LRRK2: variants seen among roughly 807,000 people sequenced by gnomAD.
LRRK2 encodes the protein leucine rich repeat kinase 2, also known as leucine-rich repeat serine/threonine-protein kinase 2.
LRRK2 carries 203 observed loss-of-function variants against 302.6 expected under a neutral mutation model. That is an observed-to-expected ratio of 0.67 (90% CI 0.60 to 0.75). The LOEUF (loss-of-function observed/expected upper bound fraction) is 0.75. Ranked by LOEUF, LRRK2 falls within the 30% of genes least tolerant of loss-of-function variation. The probability of loss-of-function intolerance (pLI) is 0.00; values close to 1 mark genes in which losing one functional copy is unlikely to be tolerated. For synonymous variants in LRRK2, 1,066 were observed against 1,031.9 expected (o/e 1.03, Z -0.63); for missense variants, 2,830 against 2,951.0 (o/e 0.96, Z 0.95).
intron 18 of LRRK2, among the ~76,000 whole-genome samples, chr12:40,283,445 C>T (rs1286389284): frequency 6.6e-6 from 1 of 152,160 alleles, no homozygotes; most frequent in African/African-American, 2.4e-5. Context: ...AGCTATGTCC[C>T]CATTTAGTTA....
intron 40 of LRRK2, among the ~76,000 whole-genome samples, chr12:40,337,593 T>A (rs979333897): frequency 6.6e-6 from 1 of 152,176 alleles, no homozygotes; most frequent in African/African-American, 2.4e-5. Context: ...TGACTCTATT[T>A]TACATTATCT....
rs200107211 is a variant in LRRK2, at chr12:40,322,081, C to T, written c.5217C>T (p.Tyr1739=). Residue 1739 remains tyrosine, a synonymous_variant, in exon 36 of 51, where the codon TAC becomes TAT. Transcript: ENST00000298910. The part of the protein sequence containing the change: ...PNRMYWRQGI[Y]LNWSPEAYCL... Reference sequence around the variant, plus strand: ...GAATGTATTGGCGACAAGGCATTTACTTAAATTGGTCTCCTGAAGCTTATT... The same window carrying T: ...GAATGTATTGGCGACAAGGCATTTATTTAAATTGGTCTCCTGAAGCTTATT... The T allele has an allele frequency of 2.5e-4, 403 of 1,613,316 alleles. 1 individual carries two copies. The highest frequency in any genetic ancestry group is 3.3e-4 in the Non-Finnish European group (391 of 1,179,528).
At chr12:40,228,520 T>C (rs2136379396) in intron 2 of LRRK2, among the ~76,000 whole-genome samples, 1 of 151,828 alleles carries the variant, frequency 6.6e-6, no homozygotes, top group South Asian at 2.1e-4. Flanking sequence ...ATGGATATTT[T>C]GCAAATATTT....
At chr12:40,235,788 T>G in intron 4 of LRRK2, 74 bp downstream of exon 4, 1 of 649,106 alleles carries the variant, frequency 1.5e-6, no homozygotes, top group Middle Eastern at 3.5e-4. Flanking sequence ...AATGTGTGTG[T>G]GTGTGTTTTT....
chr12:40,344,477 T>G (rs1215859830), intron 41 of LRRK2, among the ~76,000 whole-genome samples: 1 of 152,218 alleles, frequency 6.6e-6, no homozygotes, highest in African/African-American at 2.4e-5. Flanking sequence ...TTTTAAGTAC[T>G]CTTGACTTTG....
chr12:40,230,058 C>A lies in LRRK2; in HGVS notation c.238-2216C>A, dbSNP rs1291249949. Among the ~76,000 whole-genome samples the A allele has an allele frequency of 5.9e-5, 8 of 136,508 alleles. No individual in the cohort carries two copies. The Admixed American group carries it at 6.6e-4, about 11-fold the overall frequency. The allele number at this position is 136,508 out of a possible 152,430, so 89.6% of individuals were successfully genotyped here. On this transcript the variant is annotated intron_variant, in intron 2 of 50. Coordinates refer to ENST00000298910, the MANE Select transcript of LRRK2 (RefSeq NM_198578.4). Reference sequence around the variant, plus strand: ...AGTCTTGATGTATTCTATGAAAGCACAAAAATAGTCAGTTTCTATGACAGC... The same window carrying A: ...AGTCTTGATGTATTCTATGAAAGCAAAAAAATAGTCAGTTTCTATGACAGC...
Position 40,293,674 on chromosome 12 carries a change from T to C in LRRK2, c.2808+11T>C. On this transcript the variant is annotated intron_variant, in intron 21 of 50. Transcript: ENST00000298910. ...CATTCCAATTCCTTGGTAAGTTAAA[T>C]TGTGCAATTGTGATTATGTTGTGTT... 1 of 1,525,784 alleles carries C rather than the reference T, an allele frequency of 6.6e-7. No individual in the cohort carries two copies. 94.5% of individuals were successfully genotyped at this position (1,525,784 alleles called of 1,614,324 possible).
At chr12:40,292,819 T>C (rs980134136) in intron 20 of LRRK2, among the ~76,000 whole-genome samples, 17 of 152,024 alleles carry the variant, frequency 1.1e-4, no homozygotes, top group African/African-American at 3.9e-4. Flanking sequence ...AATATGATTT[T>C]TTTATTGATC....
Position 40,322,176 on chromosome 12 carries a change from G to T in LRRK2, c.5312G>T (p.Arg1771Ile). Residue 1771 changes from arginine (R) to isoleucine (I), a missense_variant, in exon 36 of 51, where the codon AGA (arginine) becomes ATA (isoleucine). Arg to Ile is a moderately conservative substitution (Grantham distance 97). Around this residue, in one of 3 missense-constraint regions of LRRK2, gnomAD observed 2,121 missense variants for 2,148.0 expected, o/e 0.99. Transcript: ENST00000298910. The stretch of plus-strand genomic sequence containing the variant: ...TTAAAAATTACAGTTCCTTCTTGTA[G>T]AAAAGGTAAGGAAATCAATTTGAAT... Reference protein sequence around the residue: ...SFLKITVPSCRKGCILLGQVV... With the variant: ...SFLKITVPSCIKGCILLGQVV... The T allele has an allele frequency of 6.2e-7, 1 of 1,608,986 alleles. No homozygotes were observed. The highest frequency in any genetic ancestry group is 1.7e-4 in the Middle Eastern group (1 of 6,048).
Position 40,293,558 on chromosome 12 carries a change from A to G in LRRK2, c.2703A>G (p.Ser901=), listed in dbSNP as rs772028151. The change falls in exon 21 of 51, where the codon TCA becomes TCG. Residue 901 remains serine (S), a synonymous_variant. Coordinates refer to ENST00000298910, the MANE Select transcript of LRRK2 (RefSeq NM_198578.4). ...DDLDSEGSEG[S]FLVKKKSNSI... ...TTTTCAAAATAGGAAGTGAAGGCTC[A>G]TTTCTTGTGAAAAAGAAATCTAATT... The G allele has an allele frequency of 2.5e-6, 4 of 1,604,574 alleles. No homozygotes were observed. The highest frequency in any genetic ancestry group is 1.7e-5 in the Admixed American group (1 of 59,612).
intron 6 of LRRK2, among the ~76,000 whole-genome samples, chr12:40,242,703 C>T (rs141880058): frequency 4.0e-5 from 6 of 149,708 alleles, no homozygotes; most frequent in Non-Finnish European, 8.9e-5. Flanking sequence ...AAAAGTCATT[C>T]TCCAATGGGG....
intron 12 of LRRK2, 29 bp downstream of exon 12, chr12:40,257,406 A>G: frequency 6.2e-7 from 1 of 1,602,070 alleles, no homozygotes; most frequent in Non-Finnish European, 8.5e-7. Flanking sequence ...CTTGTACAGA[A>G]TATATCATAT....
rs1942569273 is a variant in LRRK2 at position 40,257,428 on chromosome 12, G to A, written c.1418+51G>A. Reference sequence around the variant, plus strand: ...AGAATATATCATATTGGGCCAGGTAGAATATCAATATTTCAAGCATATTTC... The same window carrying A: ...AGAATATATCATATTGGGCCAGGTAAAATATCAATATTTCAAGCATATTTC... On this transcript the variant is annotated intron_variant, in intron 12 of 50. Transcript: ENST00000298910. The A allele has an allele frequency of 1.9e-6, 3 of 1,566,328 alleles. No individual in the cohort carries two copies. In the East Asian group the frequency reaches 6.8e-5, roughly 35 times the overall value.
chr12:40,234,447 C>T (rs201691869), intron 3 of LRRK2, among the ~76,000 whole-genome samples: 8 of 130,296 alleles, frequency 6.1e-5, no homozygotes, highest in African/African-American at 8.9e-5. Flanking sequence ...GGCGTGATCT[C>T]GGCTCACTGT....
Position 40,238,419 on chromosome 12 carries a change from G to C in LRRK2, c.571+316G>C, listed in dbSNP as rs147696425. On this transcript the variant is annotated intron_variant, in intron 5 of 50. Coordinates refer to ENST00000298910, the MANE Select transcript of LRRK2 (RefSeq NM_198578.4). ...AGAAAAAATAAAACTGTGAAGCCAA[G>C]CATAGGTTACACTGGGATTATGATG... Among the ~76,000 whole-genome samples the C allele has an allele frequency of 1.8e-3, 268 of 152,252 alleles. 2 individuals are homozygous for C. The highest frequency in any genetic ancestry group is 5.8e-3 in the African/African-American group (241 of 41,554).
chr12:40,256,513 T>C (rs1942514385), intron 11 of LRRK2, among the ~76,000 whole-genome samples: 1 of 152,152 alleles, frequency 6.6e-6, no homozygotes, highest in South Asian at 2.1e-4. Context: ...TATAGTTACT[T>C]TCCACAAATA....
intron 18 of LRRK2, among the ~76,000 whole-genome samples, chr12:40,282,183 C>T (rs1943740536): frequency 7.2e-6 from 1 of 139,408 alleles, no homozygotes; most frequent in African/African-American, 2.6e-5. Context: ...TCTTCCCCTT[C>T]CCCTTCTCCT....
At chr12:40,361,083 T>A (rs1343993756) in intron 47 of LRRK2, among the ~76,000 whole-genome samples, 2 of 151,502 alleles carry the variant, frequency 1.3e-5, no homozygotes, top group Non-Finnish European at 3.0e-5. Context: ...ACCTGGGCCC[T>A]ACCTCAGACC....
chr12:40,332,874 CA>C (rs1360181461), intron 39 of LRRK2, among the ~76,000 whole-genome samples: 2 of 148,170 alleles, frequency 1.3e-5, no homozygotes, highest in Non-Finnish European at 3.0e-5. Flanking sequence ...TCTACAGAGC[CA>C]ATTAGTGTAT....
Sources: gnomAD v4.1 joint callset for allele counts (sites outside exome capture counted in the v4.1 genomes callset) on GRCh38, gnomAD v4.1.1 for gene constraint, gnomAD v4.1.1 regional missense constraint, MANE v1.5 for transcripts, NCBI Gene and HGNC (gene_info 2026-07-23, HGNC 2026-07-21) for gene names.